Variants in ADGRA2 observed in about 807,000 individuals in gnomAD.
The protein encoded by ADGRA2 is adhesion G protein-coupled receptor A2.
Under a neutral mutation model 98.7 loss-of-function variants are expected in ADGRA2, and 61 were observed. The observed-to-expected ratio is 0.62, with a 90% CI of 0.50 to 0.76. ADGRA2 has a LOEUF of 0.76. ADGRA2 is among the 30% of genes least tolerant of loss of function. The pLI is 0.00. For missense variants in ADGRA2, 1,712 were observed against 1,860.0 expected (o/e 0.92, Z 1.46); for synonymous variants, 858 against 831.5 (o/e 1.03, Z -0.55).
At position 37,828,937 on chromosome 8, in the gene ADGRA2, G is replaced by A; in HGVS notation, c.388G>A (p.Gly130Ser). ...ISTVQPGAFL[G>S]LGELKRLDLS... ...CACAGTGCAGCCGGGCGCCTTCCTG[G>A]GCCTGGGGGAGCTGAAGCGTTTGTG... The change falls in exon 3 of 19, where the codon GGC becomes AGC. Residue 130 changes from glycine to serine, a missense_variant. Transcript: ENST00000412232. The A allele has an allele frequency of 1.3e-6, 2 of 1,584,512 alleles. No individual in the cohort carries two copies. The highest frequency in any genetic ancestry group is 1.7e-6 in the Non-Finnish European group (2 of 1,167,500).
intron 1 of ADGRA2, among the ~76,000 whole-genome samples, chr8:37,812,371 T>C (rs749606063): frequency 2.0e-4 from 30 of 152,168 alleles, no homozygotes; most frequent in African/African-American, 6.0e-4. Context: ...CTCACGCCTG[T>C]AATCCCAGCA....
At position 37,844,128 on chromosome 8, in the gene ADGRA2, C is replaced by T; in HGVS notation, c.*1773C>T. 1 of 246,524 alleles carries T rather than the reference C, an allele frequency of 4.1e-6. No individual in the cohort carries two copies. Among genetic ancestry groups the T allele is most frequent in the South Asian group, 7.1e-5 (1 of 13,992 alleles). The allele number at this position is 246,524 out of a possible 1,614,324, so 15.3% of individuals were successfully genotyped here. ...GATACTGCTGGGAATGCCAACCACT[C>T]CACAAGCAGAGGGAAGCCCCCTCAG... On this transcript the variant is annotated 3_prime_UTR_variant, in exon 19 of 19. Transcript: ENST00000412232.
chr8:37,841,661 C>T lies in ADGRA2; in HGVS notation c.3323C>T (p.Pro1108Leu), dbSNP rs746003915. 3.6e-5 allele frequency: 55 copies of T among 1,528,484 alleles called. No homozygotes were observed. The highest frequency in any genetic ancestry group is 3.6e-4 in the Admixed American group (17 of 47,734). The allele number at this position is 1,528,484 out of a possible 1,614,324, so 94.7% of individuals were successfully genotyped here. A position where few individuals can be genotyped will look rare whatever the true frequency, so the allele number is the denominator to read the frequency against. ...ALPAAAEDGS[P>L]VFGEGPPSLK... ...CCCGCCGCCGCAGAGGACGGTTCCCCGGTGTTCGGGGAGGGCCCCCCCTCC... is the reference window on the plus strand; with the variant it reads ...CCCGCCGCCGCAGAGGACGGTTCCCTGGTGTTCGGGGAGGGCCCCCCCTCC... The change falls in exon 19 of 19, where the codon CCG (proline) becomes CTG (leucine). Residue 1108 changes from proline (P) to leucine (L), a missense_variant. Coordinates refer to ENST00000412232, the MANE Select transcript of ADGRA2 (RefSeq NM_032777.10). This position sits in a 1 kb window ranked among gnomAD's most constrained non-coding sequence, Gnocchi z 5.0.
intron 1 of ADGRA2, among the ~76,000 whole-genome samples, chr8:37,812,080 C>T (rs1222288787): frequency 2.6e-5 from 4 of 151,598 alleles, no homozygotes; most frequent in Admixed American, 6.6e-5. Context: ...CCAGTCTGGG[C>T]CACAGAATGA....
At chr8:37,799,624 G>A (rs1804440078) in intron 1 of ADGRA2, among the ~76,000 whole-genome samples, 1 of 152,104 alleles carries the variant, frequency 6.6e-6, no homozygotes, top group Non-Finnish European at 1.5e-5. Context: ...AGAGAGCTGG[G>A]CCAGCTCTTG....
chr8:37,816,593 A>AACACACACACACACAC (rs545433349), intron 2 of ADGRA2, among the ~76,000 whole-genome samples: 2 of 131,294 alleles, frequency 1.5e-5, no homozygotes, highest in East Asian at 2.4e-4. Context: ...CTCCGTCTCA[A>AACACACACACACACAC]ACACACACAC....
At chr8:37,827,296 G>T (rs1243495520) in intron 2 of ADGRA2, among the ~76,000 whole-genome samples, 1 of 152,248 alleles carries the variant, frequency 6.6e-6, no homozygotes, top group East Asian at 1.9e-4. Context: ...GAGGGAGAAG[G>T]CCAGTGAGCA....
intron 13 of ADGRA2, 48 bp from the exon 14 acceptor site, chr8:37,837,683 C>G: frequency 2.7e-6 from 4 of 1,485,396 alleles, no homozygotes; most frequent in Non-Finnish European, 3.7e-6. Context: ...GAGCCCACCT[C>G]CCTGACACCC....
chr8:37,839,060 C>A lies in ADGRA2; in HGVS notation c.2364C>A (p.Ile788=). Residue 788 remains isoleucine (I), a synonymous_variant, in exon 15 of 19, where the codon ATC becomes ATA. Transcript: ENST00000412232. ...TGCTGCTCTGCCTCTTCGCCACCATCATCACCTACATCCTCAACCACAGGT... is the reference window on the plus strand; with the variant it reads ...TGCTGCTCTGCCTCTTCGCCACCATAATCACCTACATCCTCAACCACAGGT... ...ALLLLCLFAT[I]ITYILNHSSI... The A allele has an allele frequency of 1.2e-6, 2 of 1,609,418 alleles. No homozygotes were observed. Among genetic ancestry groups the A allele is most frequent in the East Asian group, 2.2e-5 (1 of 44,860 alleles).
intron 1 of ADGRA2, among the ~76,000 whole-genome samples, chr8:37,803,456 C>T (rs1050864381): frequency 1.6e-4 from 25 of 152,128 alleles, no homozygotes; most frequent in Admixed American, 1.5e-3. Context: ...AAGGAAGATC[C>T]GCTAACCGCT....
At chr8:37,798,079 C>T (rs1405888105) in intron 1 of ADGRA2, among the ~76,000 whole-genome samples, 1 of 152,156 alleles carries the variant, frequency 6.6e-6, no homozygotes, top group Admixed American at 6.5e-5. Flanking sequence ...CTCCTTAGGG[C>T]AAGGGGAGGC....
intron 2 of ADGRA2, among the ~76,000 whole-genome samples, chr8:37,825,183 A>G (rs2129986297): frequency 6.6e-6 from 1 of 152,208 alleles, no homozygotes; most frequent in African/African-American, 2.4e-5. Context: ...GCGTGCTTCC[A>G]CAAGCTACTC....
At chr8:37,825,862 A>T (rs940242569) in intron 2 of ADGRA2, among the ~76,000 whole-genome samples, 3 of 152,116 alleles carry the variant, frequency 2.0e-5, no homozygotes, top group African/African-American at 7.2e-5. Flanking sequence ...GCCAGCTCCC[A>T]AGGGCACTCG....
chr8:37,839,896 A>G (rs1228654412), intron 16 of ADGRA2, among the ~76,000 whole-genome samples: 1 of 152,146 alleles, frequency 6.6e-6, no homozygotes, highest in Non-Finnish European at 1.5e-5. Flanking sequence ...CCAGATAGCC[A>G]TATCAGGGTC....
intron 2 of ADGRA2, among the ~76,000 whole-genome samples, chr8:37,816,134 T>G (rs1241817547): frequency 6.6e-6 from 1 of 152,106 alleles, no homozygotes; most frequent in African/African-American, 2.4e-5. Flanking sequence ...ATACTAGAAT[T>G]AAGTATATTG....
intron 2 of ADGRA2, among the ~76,000 whole-genome samples, chr8:37,816,608 AC>A (rs1804989792): frequency 1.3e-5 from 2 of 150,120 alleles, no homozygotes; most frequent in South Asian, 4.2e-4. Flanking sequence ...ACACACACAC[AC>A]ACACACACAC....
chr8:37,800,803 G>A (rs1297901822), intron 1 of ADGRA2, among the ~76,000 whole-genome samples: 1 of 152,124 alleles, frequency 6.6e-6, no homozygotes, highest in African/African-American at 2.4e-5. Context: ...CTCCTCCTTC[G>A]TACTTTATTT....
Position 37,833,040 on chromosome 8 carries a change from C to G in ADGRA2, c.1128C>G (p.Ala376=). 6.2e-7 allele frequency: 1 copy of G among 1,613,386 alleles called. No individual in the cohort carries two copies. The highest frequency in any genetic ancestry group is 8.5e-7 in the Non-Finnish European group (1 of 1,179,908). The part of the protein sequence containing the change: ...RWPRTLAGIT[A]YQSCLQYPFT... ...CCCGAACTCTGGCTGGCATCACAGC[C>G]TACCAGTCCTGCCTGCAGTATCCCT... Residue 376 remains alanine (A), a synonymous_variant, in exon 9 of 19, where the codon GCC becomes GCG. Coordinates refer to ENST00000412232, the MANE Select transcript of ADGRA2 (RefSeq NM_032777.10).
chr8:37,821,276 A>G (rs1805117326), intron 2 of ADGRA2, among the ~76,000 whole-genome samples: 1 of 152,176 alleles, frequency 6.6e-6, no homozygotes, highest in African/African-American at 2.4e-5. Context: ...AGGAATTGTT[A>G]CAGGAACAGA....
Sources: gnomAD v4.1 joint callset for allele counts (sites outside exome capture counted in the v4.1 genomes callset) on GRCh38, gnomAD v4.1.1 for gene constraint, Gnocchi (gnomAD v3.1) non-coding constraint, MANE v1.5 for transcripts, NCBI Gene and HGNC (gene_info 2026-07-23, HGNC 2026-07-21) for gene names.